The following SLC44A5 variants were observed in gnomAD, a reference collection of about 807,000 sequenced individuals.
SLC44A5 encodes the protein choline transporter-like protein 5.
In SLC44A5, 57 loss-of-function variants were observed where a neutral mutation model predicts 101.8. That is an observed-to-expected ratio of 0.56 (90% CI 0.45 to 0.70). The LOEUF is 0.70. Among genes scored for constraint, SLC44A5 ranks in the 30% least tolerant of loss-of-function variants. The pLI is 0.00. For synonymous variants in SLC44A5, 281 were observed against 290.9 expected (o/e 0.97, Z 0.35); for missense variants, 737 against 853.1 (o/e 0.86, Z 1.70).
chr1:75,678,275 C>G, the SLC44A5 span, among the ~76,000 whole-genome samples: 1 of 152,188 alleles, frequency 6.6e-6, no homozygotes, highest in African/African-American at 2.4e-5. Context: ...TCAAGGAGGC[C>G]TGCCTGCCTC....
At chr1:75,601,172 A>T (rs1030528051) in intron 1 of SLC44A5, among the ~76,000 whole-genome samples, 17 of 152,202 alleles carry the variant, frequency 1.1e-4, no homozygotes, top group Non-Finnish European at 2.2e-4. Context: ...TACAGATTCT[A>T]AAAACAGTGA....
intron 2 of SLC44A5, among the ~76,000 whole-genome samples, chr1:75,509,841 A>G (rs1294449483): frequency 1.3e-5 from 2 of 152,200 alleles, no homozygotes; most frequent in Non-Finnish European, 2.9e-5. Context: ...AAAGATTCAT[A>G]TGGATTTCTA....
At chr1:75,344,347 T>C (rs1383979200) in intron 3 of SLC44A5, among the ~76,000 whole-genome samples, 1 of 152,288 alleles carries the variant, frequency 6.6e-6, no homozygotes, top group Non-Finnish European at 1.5e-5. Flanking sequence ...GACACTATAA[T>C]ACAGGTTATC....
chr1:75,307,717 T>C (rs1236930900), intron 4 of SLC44A5, among the ~76,000 whole-genome samples: 1 of 152,234 alleles, frequency 6.6e-6, no homozygotes, highest in Non-Finnish European at 1.5e-5. Context: ...CCAGTTTCTC[T>C]TCTTCCCACA....
intron 23 of SLC44A5, among the ~76,000 whole-genome samples, chr1:75,211,137 G>A (rs1167211963): frequency 6.6e-6 from 1 of 152,090 alleles, no homozygotes. Flanking sequence ...CTGCATAACT[G>A]AAAGTTTGTA....
intron 1 of SLC44A5, among the ~76,000 whole-genome samples, chr1:75,606,709 G>C: frequency 6.6e-6 from 1 of 151,732 alleles, no homozygotes; most frequent in East Asian, 1.9e-4. Flanking sequence ...AATTAATTAA[G>C]GTCTTCAATG....
intron 19 of SLC44A5, among the ~76,000 whole-genome samples, chr1:75,214,951 A>C (rs1255479274): frequency 6.6e-6 from 1 of 152,158 alleles, no homozygotes; most frequent in Non-Finnish European, 1.5e-5. Context: ...CTTTTTCCCA[A>C]ATTCCAGATA....
chr1:75,499,122 T>A (rs895650180), intron 2 of SLC44A5, among the ~76,000 whole-genome samples: 2 of 152,080 alleles, frequency 1.3e-5, no homozygotes, highest in Admixed American at 6.5e-5. Flanking sequence ...ATAGCTTAGG[T>A]GTGAAGTAGG....
chr1:75,467,936 A>C (rs1570366950), intron 2 of SLC44A5, among the ~76,000 whole-genome samples: 1 of 152,090 alleles, frequency 6.6e-6, no homozygotes, highest in East Asian at 1.9e-4. Context: ...ACCATACGAC[A>C]AGAGATTCAT....
At chr1:75,395,288 G>A (rs1662052417) in intron 3 of SLC44A5, among the ~76,000 whole-genome samples, 1 of 152,122 alleles carries the variant, frequency 6.6e-6, no homozygotes, top group South Asian at 2.1e-4. Flanking sequence ...TTTTGAGGCA[G>A]AATGATTCAG....
chr1:75,414,441 C>G (rs1027626725), intron 2 of SLC44A5, among the ~76,000 whole-genome samples: 9 of 151,888 alleles, frequency 5.9e-5, no homozygotes, highest in African/African-American at 2.2e-4. Context: ...TACAGAGTAT[C>G]TACATTCTTA....
At chr1:75,332,259 A>G (rs1276226341) in intron 4 of SLC44A5, among the ~76,000 whole-genome samples, 6 of 152,194 alleles carry the variant, frequency 3.9e-5, no homozygotes, top group Non-Finnish European at 7.3e-5. Context: ...TTTTATATTG[A>G]CATGTAGGAA....
At chr1:75,276,659 A>G (rs1484943784) in intron 5 of SLC44A5, among the ~76,000 whole-genome samples, 1 of 152,226 alleles carries the variant, frequency 6.6e-6, no homozygotes, top group Non-Finnish European at 1.5e-5. Context: ...TGCTTGGCAT[A>G]CAATATGGAC....
chr1:75,241,875 T>C, intron 9 of SLC44A5, 126 bp downstream of exon 9: 2 of 721,962 alleles, frequency 2.8e-6, no homozygotes, highest in Non-Finnish European at 4.6e-6. Context: ...GCTAATCAAC[T>C]CTGGGACTTT....
Position 75,332,056 on chromosome 1 carries a change from T to C in SLC44A5, c.101+7526A>G, listed in dbSNP as rs548131567. On this transcript the variant is annotated intron_variant, in intron 4 of 23. Transcript: ENST00000370859. Reference sequence around the variant, plus strand: ...CTCTTCCAAGAAGACAGCCACCTTATCTATATTGCTCATCACAGTATCTCT... The same window carrying C: ...CTCTTCCAAGAAGACAGCCACCTTACCTATATTGCTCATCACAGTATCTCT... Among the ~76,000 whole-genome samples the C allele has an allele frequency of 3.3e-5, 5 of 152,286 alleles. No homozygotes were observed. In the East Asian group the frequency reaches 9.6e-4, roughly 29 times the overall value.
chr1:75,291,702 G>A (rs1653558023), intron 5 of SLC44A5, among the ~76,000 whole-genome samples: 1 of 152,100 alleles, frequency 6.6e-6, no homozygotes, highest in Non-Finnish European at 1.5e-5. Flanking sequence ...AAGGAGACCA[G>A]TGTGGTGCTT....
intron 2 of SLC44A5, among the ~76,000 whole-genome samples, chr1:75,468,326 C>G (rs965011857): frequency 6.6e-5 from 10 of 151,954 alleles, no homozygotes; most frequent in African/African-American, 2.2e-4. Context: ...GGGTATACAC[C>G]CAAAAGAAAA....
intron 2 of SLC44A5, among the ~76,000 whole-genome samples, chr1:75,481,907 A>T (rs1054390696): frequency 7.9e-5 from 12 of 152,208 alleles, no homozygotes; most frequent in African/African-American, 2.9e-4. Context: ...TGACCCAGCC[A>T]TCCCATTACT....
chr1:75,383,628 C>T (rs1661071789), intron 3 of SLC44A5, among the ~76,000 whole-genome samples: 1 of 152,200 alleles, frequency 6.6e-6, no homozygotes, highest in African/African-American at 2.4e-5. Flanking sequence ...TTGGAAAATA[C>T]TCTGCAGGAT....
Sources: gnomAD v4.1 joint callset for allele counts (sites outside exome capture counted in the v4.1 genomes callset) on GRCh38, gnomAD v4.1.1 for gene constraint, MANE v1.5 for transcripts, NCBI Gene and HGNC (gene_info 2026-07-23, HGNC 2026-07-21) for gene names.